The following NCKAP5 variants were observed in gnomAD, a reference collection of about 807,000 sequenced individuals.
The protein encoded by NCKAP5 is NCK associated protein 5.
A neutral mutation model predicts 167.0 loss-of-function variants in NCKAP5; 92 were observed. The ratio of observed to expected loss-of-function variants is 0.55; its 90% CI spans 0.47 to 0.66. The LOEUF is 0.66. Among genes scored for constraint, NCKAP5 ranks in the 30% least tolerant of loss-of-function variants. The probability of loss-of-function intolerance (pLI) is 0.00; values close to 1 mark genes in which losing one functional copy is unlikely to be tolerated. For synonymous variants in NCKAP5, 891 were observed against 877.4 expected, an observed-to-expected ratio of 1.02 and a Z score of -0.27; for missense variants, 2,378 against 2,315.0, an observed-to-expected ratio of 1.03 and a Z score of -0.56.
intron 3 of NCKAP5, among the ~76,000 whole-genome samples, chr2:133,410,714 T>C (rs1688721720): frequency 6.6e-6 from 1 of 152,204 alleles, no homozygotes; most frequent in South Asian, 2.1e-4. Flanking sequence ...TGAAGTCCAA[T>C]GAAGTATGTT....
intron 17 of NCKAP5, 104 bp from the exon 18 acceptor site, chr2:132,729,056 C>A: frequency 6.8e-7 from 1 of 1,463,818 alleles, no homozygotes. Flanking sequence ...AAAAAAGGTC[C>A]AAATACAGTG....
intron 3 of NCKAP5, among the ~76,000 whole-genome samples, chr2:133,488,575 G>A (rs1347338194): frequency 6.6e-6 from 1 of 152,100 alleles, no homozygotes; most frequent in East Asian, 1.9e-4. Context: ...GGGGCAGGCT[G>A]AGTACAGTGG....
At chr2:132,742,166 A>C (rs914448652) in intron 16 of NCKAP5, among the ~76,000 whole-genome samples, 1 of 152,146 alleles carries the variant, frequency 6.6e-6, no homozygotes. Context: ...TATTTGGTGA[A>C]TCTGATAGAC....
rs201447980 is a variant in NCKAP5 at position 133,303,124 on chromosome 2, C to G, written c.70-14G>C. Reference sequence around the variant, plus strand: ...GTCCATGTATTCCTGCACAAGCAGACAAAGACAGATGAAAACTCACTATGA... The same window carrying G: ...GTCCATGTATTCCTGCACAAGCAGAGAAAGACAGATGAAAACTCACTATGA... On this transcript the variant is annotated splice_polypyrimidine_tract_variant and intron_variant, in intron 3 of 19. Coordinates refer to ENST00000409261, the MANE Select transcript of NCKAP5 (RefSeq NM_207363.3). 2.6e-6 allele frequency: 4 copies of G among 1,568,452 alleles called. No homozygotes were observed. The highest frequency in any genetic ancestry group is 2.6e-6 in the Non-Finnish European group (3 of 1,153,774).
rs1171856281 is a variant in NCKAP5, at chr2:132,784,265, T to C, written c.2546A>G (p.Lys849Arg). 1.9e-6 allele frequency: 3 copies of C among 1,610,938 alleles called. No individual in the cohort carries two copies. Among genetic ancestry groups the C allele is most frequent in the Middle Eastern group, 1.7e-4 (1 of 6,050 alleles). ...AAAGAGGGGCCCTGAGCTCTCAGTCTTCATGAATCGTGAGAGTTTCCCAGG... is the reference window on the plus strand; with the variant it reads ...AAAGAGGGGCCCTGAGCTCTCAGTCCTCATGAATCGTGAGAGTTTCCCAGG... ...LAPGKLSRFM[K>R]TESSGPLFEL... The change falls in exon 14 of 20, where the codon AAG becomes AGG. Residue 849 changes from lysine to arginine, a missense_variant. This residue lies in a region of NCKAP5 where 1,049 missense variants were observed against 1,023.4 expected (regional missense o/e 1.02). Coordinates refer to ENST00000409261, the MANE Select transcript of NCKAP5 (RefSeq NM_207363.3).
At chr2:132,763,865 A>C (rs760102041) in intron 16 of NCKAP5, among the ~76,000 whole-genome samples, 1 of 152,164 alleles carries the variant, frequency 6.6e-6, no homozygotes, top group Non-Finnish European at 1.5e-5. Flanking sequence ...ACTATGTCTT[A>C]TTCCTCTTTG....
chr2:132,742,507 T>C (rs1384467228), intron 16 of NCKAP5, among the ~76,000 whole-genome samples: 7 of 151,884 alleles, frequency 4.6e-5, no homozygotes, highest in Admixed American at 4.6e-4. Context: ...ATTATTGCTC[T>C]AACTTTTTTA....
chr2:133,470,412 A>T (rs1679107660), intron 3 of NCKAP5, among the ~76,000 whole-genome samples: 1 of 152,152 alleles, frequency 6.6e-6, no homozygotes, highest in Non-Finnish European at 1.5e-5. Flanking sequence ...TGCTCTCTTC[A>T]AAGCTGTCAG....
At chr2:133,199,900 A>T (rs1258442733) in intron 5 of NCKAP5, among the ~76,000 whole-genome samples, 1 of 151,958 alleles carries the variant, frequency 6.6e-6, no homozygotes, top group East Asian at 1.9e-4. Context: ...ATATAATGAC[A>T]TGAATGAATT....
chr2:133,297,438 C>G (rs955413877), intron 4 of NCKAP5, among the ~76,000 whole-genome samples: 1 of 151,942 alleles, frequency 6.6e-6, no homozygotes, highest in Non-Finnish European at 1.5e-5. Flanking sequence ...ACTTGAAAAC[C>G]CAGAGATAGA....
chr2:132,713,360 C>T (rs1689044641), intron 19 of NCKAP5, among the ~76,000 whole-genome samples: 1 of 143,644 alleles, frequency 7.0e-6, no homozygotes, highest in Non-Finnish European at 1.5e-5. Flanking sequence ...CACAGAGTGA[C>T]AAAACATCAA....
chr2:133,521,135 G>T (rs1015086317), intron 2 of NCKAP5, among the ~76,000 whole-genome samples: 12 of 152,132 alleles, frequency 7.9e-5, no homozygotes, highest in Non-Finnish European at 8.8e-5. Context: ...TCCATTGATC[G>T]CACTATTGGG....
intron 3 of NCKAP5, among the ~76,000 whole-genome samples, chr2:133,387,425 T>C (rs1038004297): frequency 1.3e-5 from 2 of 152,256 alleles, no homozygotes; most frequent in Non-Finnish European, 2.9e-5. Context: ...GCTGTTAGTC[T>C]GATGGGCTTC....
At chr2:133,199,404 A>G (rs1368555115) in intron 5 of NCKAP5, among the ~76,000 whole-genome samples, 2 of 152,022 alleles carry the variant, frequency 1.3e-5, no homozygotes, top group Admixed American at 6.6e-5. Context: ...TTTCTTTAAA[A>G]AGCAGTCACC....
intron 8 of NCKAP5, among the ~76,000 whole-genome samples, chr2:132,932,982 T>C (rs1696531241): frequency 6.8e-6 from 1 of 147,698 alleles, no homozygotes; most frequent in African/African-American, 2.5e-5. Flanking sequence ...TGGAGTGCAG[T>C]GGAACGATCT....
intron 5 of NCKAP5, among the ~76,000 whole-genome samples, chr2:133,152,686 A>C (rs1190168252): frequency 6.6e-6 from 1 of 152,212 alleles, no homozygotes; most frequent in African/African-American, 2.4e-5. Context: ...GCCAGTCTGA[A>C]AAGGCTATAT....
chr2:133,293,920 C>T (rs190740899), intron 4 of NCKAP5, among the ~76,000 whole-genome samples: 15 of 152,260 alleles, frequency 9.9e-5, no homozygotes, highest in Non-Finnish European at 2.1e-4. Context: ...TTTAGAAATT[C>T]ATCCCAAGGG....
chr2:133,115,775 GTATATATA>G (rs10683280), intron 6 of NCKAP5, among the ~76,000 whole-genome samples: 5,694 of 94,272 alleles, frequency 0.06, 212 homozygotes, highest in African/African-American at 0.077. Context: ...ATGTGTGTGT[GTATATATA>G]TATATATATA....
chr2:133,128,256 T>C (rs1312430170), intron 6 of NCKAP5, among the ~76,000 whole-genome samples: 1 of 152,228 alleles, frequency 6.6e-6, no homozygotes, highest in Admixed American at 6.5e-5. Context: ...TTAGGGCAAC[T>C]TCTCAAACAT....
Sources: allele counts gnomAD v4.1 joint callset (sites outside exome capture counted in the v4.1 genomes callset), GRCh38; gene constraint gnomAD v4.1.1; regional missense constraint gnomAD v4.1.1; transcripts MANE v1.5; gene names NCBI Gene and HGNC (gene_info 2026-07-23, HGNC 2026-07-21).